Variants in PCDH9 observed in about 807,000 individuals in gnomAD.
The protein encoded by PCDH9 is protocadherin-9.
A neutral mutation model predicts 70.6 loss-of-function variants in PCDH9; 24 were observed. That is an observed-to-expected ratio of 0.34 (90% CI 0.25 to 0.48). The LOEUF (loss-of-function observed/expected upper bound fraction) is 0.48. Among genes scored for constraint, PCDH9 ranks in the 20% least tolerant of loss-of-function variants. PCDH9 has a pLI of 0.99. For missense variants in PCDH9, 1,281 were observed against 1,503.6 expected (o/e 0.85, Z 2.45); for synonymous variants, 562 against 558.5 (o/e 1.01, Z -0.09).
intron 3 of PCDH9, among the ~76,000 whole-genome samples, chr13:66,717,531 C>T (rs1013335432): frequency 7.6e-6 from 1 of 130,762 alleles, no homozygotes; most frequent in Non-Finnish European, 1.6e-5. Context: ...AGGCTACAAA[C>T]CTTAGTACAA....
chr13:66,658,523 T>C (rs2077962817), intron 3 of PCDH9, among the ~76,000 whole-genome samples: 1 of 152,148 alleles, frequency 6.6e-6, no homozygotes, highest in Non-Finnish European at 1.5e-5. Context: ...CAATTTTATC[T>C]TTTCTCTACA....
intron 2 of PCDH9, among the ~76,000 whole-genome samples, chr13:67,191,420 T>C (rs916007120): frequency 6.6e-6 from 1 of 152,132 alleles, no homozygotes; most frequent in Admixed American, 6.6e-5. Context: ...GAAGAATTTA[T>C]CTCTATAAAT....
At chr13:66,456,302 C>A (rs1266892837) in intron 4 of PCDH9, among the ~76,000 whole-genome samples, 1 of 152,022 alleles carries the variant, frequency 6.6e-6, no homozygotes. Context: ...GCTGTGTTGT[C>A]CCAGCCTGGA....
chr13:66,981,273 C>T (rs577098608), intron 2 of PCDH9, among the ~76,000 whole-genome samples: 7 of 151,930 alleles, frequency 4.6e-5, no homozygotes, highest in African/African-American at 1.4e-4. Context: ...TCCGTCTCTA[C>T]TAAAAATACA....
At chr13:66,465,218 G>T (rs1396642854) in intron 4 of PCDH9, among the ~76,000 whole-genome samples, 1 of 151,854 alleles carries the variant, frequency 6.6e-6, no homozygotes, top group Non-Finnish European at 1.5e-5. Context: ...AACCTTGAAT[G>T]ATCTTAATAA....
intron 2 of PCDH9, among the ~76,000 whole-genome samples, chr13:67,026,950 G>T (rs1246946974): frequency 6.6e-6 from 1 of 152,190 alleles, no homozygotes; most frequent in Non-Finnish European, 1.5e-5. Flanking sequence ...CCACGCTCAT[G>T]GGTAGGAAGA....
intron 4 of PCDH9, among the ~76,000 whole-genome samples, chr13:66,512,390 A>G (rs1026285088): frequency 6.6e-6 from 1 of 151,598 alleles, no homozygotes; most frequent in Admixed American, 6.6e-5. Context: ...ATTTTATAAA[A>G]TATGTTTTTC....
chr13:66,616,437 A>C (rs1387685419), intron 4 of PCDH9, among the ~76,000 whole-genome samples: 1 of 149,790 alleles, frequency 6.7e-6, no homozygotes, highest in East Asian at 1.9e-4. Context: ...AGAAAGGTAA[A>C]TCATGTTTTA....
intron 4 of PCDH9, among the ~76,000 whole-genome samples, chr13:66,614,448 A>G (rs939348383): frequency 9.9e-5 from 15 of 152,254 alleles, no homozygotes; most frequent in African/African-American, 3.1e-4. Flanking sequence ...ATAAAGGATT[A>G]TAAAAGGTTT....
chr13:66,659,539 T>TTGTGTGCGTGTGTGTGTG lies in PCDH9; in HGVS notation c.3139-28129_3139-28128insCACACACACACGCACACA, dbSNP rs1555318255. Among the ~76,000 whole-genome samples the TTGTGTGCGTGTGTGTGTG allele has an allele frequency of 6.6e-4, 20 of 30,288 alleles. No homozygotes were observed. The South Asian group carries it at 0.018, about 28-fold the overall frequency. The allele number at this position is 30,288 out of a possible 152,430, so 19.9% of individuals were successfully genotyped here. On this transcript the variant is annotated intron_variant, in intron 3 of 4. Transcript: ENST00000377865. ...GTTTATCCCTCCACTTAAGTTATGT[T>TTGTGTGCGTGTGTGTGTG]TGTGTGTGTGTGTTTGTGTGTGTTT...
chr13:66,529,899 T>C (rs992431827), intron 4 of PCDH9, among the ~76,000 whole-genome samples: 1 of 150,930 alleles, frequency 6.6e-6, no homozygotes, highest in East Asian at 1.9e-4. Flanking sequence ...AAAGCACTTA[T>C]CTGTTGCAGA....
intron 2 of PCDH9, among the ~76,000 whole-genome samples, chr13:67,082,772 A>T (rs2086011149): frequency 6.6e-6 from 1 of 152,200 alleles, no homozygotes; most frequent in Non-Finnish European, 1.5e-5. Context: ...TGTACATCTT[A>T]CCATTTCCAT....
intron 3 of PCDH9, among the ~76,000 whole-genome samples, chr13:66,735,056 T>C (rs935749446): frequency 1.1e-4 from 16 of 152,192 alleles, no homozygotes; most frequent in African/African-American, 3.9e-4. Flanking sequence ...GTCACATGAA[T>C]ATATATAGTA....
intron 4 of PCDH9, among the ~76,000 whole-genome samples, chr13:66,333,720 G>A (rs529003315): frequency 5.0e-4 from 76 of 152,208 alleles, no homozygotes; most frequent in Non-Finnish European, 9.6e-4. Context: ...ATTTGTTTAA[G>A]CATGTTTGCT....
chr13:66,799,451 T>G (rs994168884), intron 3 of PCDH9, among the ~76,000 whole-genome samples: 3 of 152,170 alleles, frequency 2.0e-5, no homozygotes, highest in Admixed American at 2.0e-4. Flanking sequence ...ATTTCCCTGA[T>G]GAGTCACCTT....
At chr13:66,793,365 GA>G (rs2080191343) in intron 3 of PCDH9, among the ~76,000 whole-genome samples, 1 of 152,056 alleles carries the variant, frequency 6.6e-6, no homozygotes, top group Non-Finnish European at 1.5e-5. Context: ...ATACAGTCTA[GA>G]ATAAAACAGA....
intron 2 of PCDH9, among the ~76,000 whole-genome samples, chr13:67,090,713 G>T (rs74095303): frequency 6.6e-6 from 1 of 151,698 alleles, no homozygotes; most frequent in Non-Finnish European, 1.5e-5. Context: ...CAGAAAATAC[G>T]AAAAAAAGAA....
intron 3 of PCDH9, among the ~76,000 whole-genome samples, chr13:66,675,268 T>C (rs182343707): frequency 1.6e-4 from 25 of 152,300 alleles, no homozygotes; most frequent in Admixed American, 1.4e-3. Context: ...GACAGTTTCT[T>C]GTGCCTTTGT....
intron 2 of PCDH9, among the ~76,000 whole-genome samples, chr13:67,068,677 T>C (rs532688463): frequency 1.3e-5 from 2 of 152,278 alleles, no homozygotes; most frequent in South Asian, 4.1e-4. Context: ...AGCCTGTTGC[T>C]TGCAGTTTAG....
Sources: gnomAD v4.1 joint callset for allele counts (sites outside exome capture counted in the v4.1 genomes callset) on GRCh38, gnomAD v4.1.1 for gene constraint, MANE v1.5 for transcripts, NCBI Gene and HGNC (gene_info 2026-07-23, HGNC 2026-07-21) for gene names.